Variants in RERE observed in about 807,000 individuals in gnomAD.
RERE encodes the protein arginine-glutamic acid dipeptide repeats protein.
Under a neutral mutation model 146.1 loss-of-function variants are expected in RERE, and 40 were observed. The observed-to-expected ratio is 0.27, with a 90% CI of 0.21 to 0.36. The LOEUF (loss-of-function observed/expected upper bound fraction) is 0.36, where lower values mean the gene tolerates loss of function less well. Ranked by LOEUF, RERE falls within the 10% of genes least tolerant of loss-of-function variation. The pLI, the probability that RERE is intolerant of heterozygous loss-of-function variation, is 1.00. For synonymous variants in RERE, 1,003 were observed against 866.0 expected, an observed-to-expected ratio of 1.16 and a Z score of -2.78; for missense variants, 1,933 against 2,138.7, an observed-to-expected ratio of 0.90 and a Z score of 1.90.
intron 1 of RERE, among the ~76,000 whole-genome samples, chr1:8,736,851 GA>G (rs34872965): frequency 0.5 from 50,147 of 99,856 alleles, 10,492 homozygotes; most frequent in African/African-American, 0.59. Flanking sequence ...AAGCAAGGGG[GA>G]AAAAAAAAAA....
At chr1:8,801,190 G>A (rs566959706) in intron 1 of RERE, among the ~76,000 whole-genome samples, 2 of 150,600 alleles carry the variant, frequency 1.3e-5, no homozygotes, top group African/African-American at 4.9e-5. Context: ...AGCCCAGGAG[G>A]TTGAGGCTGC....
At chr1:8,685,701 T>C (rs548094781) in intron 1 of RERE, among the ~76,000 whole-genome samples, 1 of 152,304 alleles carries the variant, frequency 6.6e-6, no homozygotes, top group African/African-American at 2.4e-5. Context: ...CTAATTTAAA[T>C]AACCTAAGAT....
intron 7 of RERE, among the ~76,000 whole-genome samples, chr1:8,511,103 T>TA (rs1020584718): frequency 2.0e-5 from 3 of 151,994 alleles, no homozygotes; most frequent in Non-Finnish European, 4.4e-5. Flanking sequence ...ATATTTAGCT[T>TA]AAAAAAACCC....
At chr1:8,433,596 C>T (rs1318155454) in intron 11 of RERE, among the ~76,000 whole-genome samples, 2 of 149,546 alleles carry the variant, frequency 1.3e-5, no homozygotes, top group African/African-American at 5.0e-5. Flanking sequence ...CTCTGTCGCC[C>T]AGGTCGGACT....
chr1:8,364,430 G>C lies in RERE; in HGVS notation c.1541-175C>G, dbSNP rs940468947. On this transcript the variant is annotated intron_variant, in intron 14 of 22. Transcript: ENST00000400908. The surrounding 1 kb of genome is among the most constrained non-coding windows in gnomAD (Gnocchi z 5.1). ...GCCCTGCTCCCCCAAGGCCAGGAGA[G>C]GGTTTCAGGGGCATCTGCTGCCCAC... 3.3e-5 allele frequency among the ~76,000 whole-genome samples: 5 copies of C among 152,032 alleles called. No homozygotes were observed. The highest frequency in any genetic ancestry group is 1.2e-4 in the African/African-American group (5 of 41,394).
chr1:8,731,292 G>C (rs180797977), intron 1 of RERE, among the ~76,000 whole-genome samples: 1 of 152,070 alleles, frequency 6.6e-6, no homozygotes, highest in Non-Finnish European at 1.5e-5. Context: ...AAATCCCCTC[G>C]TATTTTAGGC....
At chr1:8,454,608 C>G (rs1355264241) in intron 11 of RERE, among the ~76,000 whole-genome samples, 1 of 151,968 alleles carries the variant, frequency 6.6e-6, no homozygotes, top group Non-Finnish European at 1.5e-5. Context: ...AGTTCGAGAC[C>G]AGCCTGGCCA....
intron 12 of RERE, among the ~76,000 whole-genome samples, chr1:8,397,635 C>A (rs1643100536): frequency 6.6e-6 from 1 of 152,042 alleles, no homozygotes. Flanking sequence ...TGGCAATAAC[C>A]CAACTGTGCT....
At chr1:8,771,215 T>C (rs1283335853) in intron 1 of RERE, among the ~76,000 whole-genome samples, 1 of 152,112 alleles carries the variant, frequency 6.6e-6, no homozygotes, top group African/African-American at 2.4e-5. Context: ...CAGCTATCAT[T>C]TTGGAGATTA....
At chr1:8,607,402 C>T (rs889632752) in intron 4 of RERE, among the ~76,000 whole-genome samples, 2 of 150,610 alleles carry the variant, frequency 1.3e-5, no homozygotes, top group African/African-American at 2.4e-5. Context: ...AAAAATACTA[C>T]GATATCCTAA....
chr1:8,707,213 C>G (rs1449043675), intron 1 of RERE, among the ~76,000 whole-genome samples: 3 of 152,194 alleles, frequency 2.0e-5, no homozygotes, highest in African/African-American at 7.2e-5. Context: ...AAGCAAAGCA[C>G]TCTATATTCT....
chr1:8,630,731 T>TACATACGTACATATATACAC (rs1647025445), intron 2 of RERE, among the ~76,000 whole-genome samples: 1 of 152,128 alleles, frequency 6.6e-6, no homozygotes. Flanking sequence ...CAGTCATACA[T>TACATACGTACATATATACAC]ACATACGTAC....
chr1:8,439,734 T>C (rs1242798895), intron 11 of RERE, among the ~76,000 whole-genome samples: 1 of 152,218 alleles, frequency 6.6e-6, no homozygotes, highest in Non-Finnish European at 1.5e-5. Flanking sequence ...CTTAGGATAA[T>C]GCAGGACAAT....
At chr1:8,710,307 T>C (rs548044979) in intron 1 of RERE, among the ~76,000 whole-genome samples, 23 of 152,352 alleles carry the variant, frequency 1.5e-4, no homozygotes, top group African/African-American at 5.5e-4. Context: ...AATATACTGT[T>C]GCAGTCTACG....
intron 6 of RERE, among the ~76,000 whole-genome samples, chr1:8,550,650 G>A (rs1168361882): frequency 3.3e-5 from 5 of 152,068 alleles, no homozygotes; most frequent in African/African-American, 1.2e-4. Flanking sequence ...AGGTTAAAGC[G>A]ATTCTCCTGC....
chr1:8,684,897 G>C (rs1360463929), intron 1 of RERE, among the ~76,000 whole-genome samples: 4 of 152,278 alleles, frequency 2.6e-5, no homozygotes, highest in Non-Finnish European at 4.4e-5. Context: ...CTCACTCTGT[G>C]ATCCAGGCTG....
chr1:8,580,207 T>C (rs143776927), intron 4 of RERE, among the ~76,000 whole-genome samples: 2 of 152,268 alleles, frequency 1.3e-5, no homozygotes, highest in East Asian at 3.9e-4. Flanking sequence ...GTAGGCAAAC[T>C]TACATGAAGA....
At position 8,359,285 on chromosome 1, in the gene RERE, C is replaced by T. The variant is rs563894911; in HGVS notation, c.3619-369G>A. 2.0e-5 allele frequency among the ~76,000 whole-genome samples: 3 copies of T among 152,316 alleles called. No individual in the cohort carries two copies. The South Asian group carries it at 6.2e-4, about 32-fold the overall frequency. The stretch of plus-strand genomic sequence containing the variant: ...TCCCTCATGCCACTTCCTGGGTTGG[C>T]TGCCCTTTCCTCCCCGCGACAGCAG... On this transcript the variant is annotated intron_variant, in intron 19 of 22. Coordinates refer to ENST00000400908, the MANE Select transcript of RERE (RefSeq NM_001042681.2).
intron 1 of RERE, among the ~76,000 whole-genome samples, chr1:8,761,481 GT>G (rs1390115310): frequency 1.1e-4 from 16 of 152,048 alleles, no homozygotes; most frequent in African/African-American, 3.6e-4. Flanking sequence ...AATGGCACAG[GT>G]GTAATGCAAA....
Sources: allele counts gnomAD v4.1 joint callset (sites outside exome capture counted in the v4.1 genomes callset), GRCh38; gene constraint gnomAD v4.1.1; non-coding constraint Gnocchi (gnomAD v3.1); transcripts MANE v1.5; gene names NCBI Gene and HGNC (gene_info 2026-07-23, HGNC 2026-07-21).